Variants in B3GAT2 observed in about 807,000 individuals in gnomAD.
B3GAT2 encodes the protein galactosylgalactosylxylosylprotein 3-beta-glucuronosyltransferase 2.
A neutral mutation model predicts 27.8 loss-of-function variants in B3GAT2; 26 were observed. That is an observed-to-expected ratio of 0.93 (90% CI 0.68 to 1.30). The LOEUF (loss-of-function observed/expected upper bound fraction) is 1.30. Ranked by LOEUF, B3GAT2 falls within the 50% of genes most tolerant of loss-of-function variation. The pLI, the probability that B3GAT2 is intolerant of heterozygous loss-of-function variation, is 0.00. For synonymous variants in B3GAT2, 218 were observed against 195.1 expected, an observed-to-expected ratio of 1.12 and a Z score of -0.98; for missense variants, 458 against 459.0, an observed-to-expected ratio of 1.00 and a Z score of 0.02.
intron 1 of B3GAT2, among the ~76,000 whole-genome samples, chr6:70,952,654 G>A (rs941066485): frequency 2.0e-5 from 3 of 152,156 alleles, no homozygotes; most frequent in Non-Finnish European, 4.4e-5. Flanking sequence ...AATGCCACAG[G>A]AAGAAGAGGA....
At chr6:70,945,232 T>G (rs180839798) in intron 1 of B3GAT2, among the ~76,000 whole-genome samples, 4 of 152,164 alleles carry the variant, frequency 2.6e-5, no homozygotes, top group Non-Finnish European at 5.9e-5. Context: ...AGAATGACTT[T>G]GACGAGTTGA....
intron 1 of B3GAT2, among the ~76,000 whole-genome samples, chr6:70,935,708 A>G (rs1245920240): frequency 2.6e-5 from 4 of 152,156 alleles, no homozygotes; most frequent in Non-Finnish European, 4.4e-5. Context: ...ATGCTGAGAG[A>G]ATTTGTCACC....
intron 1 of B3GAT2, among the ~76,000 whole-genome samples, chr6:70,942,008 G>T (rs1009802156): frequency 1.3e-5 from 2 of 152,084 alleles, no homozygotes; most frequent in Non-Finnish European, 2.9e-5. Context: ...GGTACAACTA[G>T]ATGGACAAAT....
chr6:70,914,760 CT>C (rs60589382), intron 1 of B3GAT2, among the ~76,000 whole-genome samples: 4 of 151,208 alleles, frequency 2.6e-5, no homozygotes, highest in South Asian at 4.2e-4. Context: ...AATTGAATAA[CT>C]TTTTTTTTAA....
At chr6:70,870,540 A>G (rs1434277588) in intron 2 of B3GAT2, among the ~76,000 whole-genome samples, 1 of 151,202 alleles carries the variant, frequency 6.6e-6, no homozygotes, top group Non-Finnish European at 1.5e-5. Flanking sequence ...TTAAAGTATA[A>G]TAATAATAAA....
chr6:70,905,514 T>C (rs1772586379), intron 1 of B3GAT2, among the ~76,000 whole-genome samples: 3 of 152,250 alleles, frequency 2.0e-5, no homozygotes, highest in Non-Finnish European at 4.4e-5. Context: ...ATGTCTAATG[T>C]ACTCCGATAA....
chr6:70,936,931 C>CA (rs1424703867), intron 1 of B3GAT2, among the ~76,000 whole-genome samples: 2 of 151,590 alleles, frequency 1.3e-5, no homozygotes, highest in African/African-American at 2.4e-5. Flanking sequence ...AATAGAGACA[C>CA]AAAAAACCCT....
At chr6:70,921,724 C>T (rs1288507579) in intron 1 of B3GAT2, among the ~76,000 whole-genome samples, 6 of 152,198 alleles carry the variant, frequency 3.9e-5, no homozygotes, top group Non-Finnish European at 2.9e-5. Context: ...TGTGGGCTGA[C>T]ATTCCTTTAA....
At chr6:70,939,912 A>T (rs1193043131) in intron 1 of B3GAT2, among the ~76,000 whole-genome samples, 1 of 152,078 alleles carries the variant, frequency 6.6e-6, no homozygotes, top group African/African-American at 2.4e-5. Context: ...AAATAATAAA[A>T]AAAATAAAAT....
In B3GAT2 at chr6:70,860,826, C is replaced by A; in HGVS notation, c.*837G>T. 1 of 396,784 alleles carries A rather than the reference C, an allele frequency of 2.5e-6. No homozygotes were observed. The highest frequency in any genetic ancestry group is 1.3e-4 in the South Asian group (1 of 7,536). 24.6% of individuals were successfully genotyped at this position (396,784 alleles called of 1,614,324 possible). A position where few individuals can be genotyped will look rare whatever the true frequency, so the allele number is the denominator to read the frequency against. ...ATCAAAATGCTCTTATTTCATCATT[C>A]ACTTCACTGTGCTGTTGTTATGATG... On this transcript the variant is annotated 3_prime_UTR_variant, in exon 4 of 4. Transcript: ENST00000230053.
At position 70,860,693 on chromosome 6, in the gene B3GAT2, AC is replaced by A. The variant is rs1450609291; in HGVS notation, c.*969del. The A allele has an allele frequency of 1.7e-5, 7 of 403,248 alleles. No homozygotes were observed. Among genetic ancestry groups the A allele is most frequent in the Non-Finnish European group, 2.6e-5 (6 of 228,506 alleles). 25.0% of individuals were successfully genotyped at this position (403,248 alleles called of 1,614,324 possible). A position where few individuals can be genotyped will look rare whatever the true frequency, so the allele number is the denominator to read the frequency against. ...GTTAGTAATACCTCTAATAGTATAA[AC>A]CCCACCCCAAAATTAGCCAGTAATC... is the stretch of plus-strand genomic sequence containing the variant. On this transcript the variant is annotated 3_prime_UTR_variant, in exon 4 of 4. Coordinates refer to ENST00000230053, the MANE Select transcript of B3GAT2 (RefSeq NM_080742.3).
At chr6:70,896,114 A>C (rs1405261463) in intron 1 of B3GAT2, among the ~76,000 whole-genome samples, 1 of 152,136 alleles carries the variant, frequency 6.6e-6, no homozygotes, top group South Asian at 2.1e-4. Flanking sequence ...CTTGAGTCTT[A>C]AGTGGGTTTC....
At position 70,875,880 on chromosome 6, in the gene B3GAT2, G is replaced by GA. The variant is rs1772007134; in HGVS notation, c.737-13903dup. Among the ~76,000 whole-genome samples the GA allele has an allele frequency of 2.6e-5, 4 of 152,200 alleles. No individual in the cohort carries two copies. The South Asian group carries it at 6.2e-4, about 24-fold the overall frequency. ...AACAATTCATTTAAATCTCTACTCTGAAAAAACCATCATAGAAAACTGAAT... is the reference window on the plus strand; with the variant it reads ...AACAATTCATTTAAATCTCTACTCTGAAAAAAACCATCATAGAAAACTGAAT... On this transcript the variant is annotated intron_variant, in intron 2 of 3. Coordinates refer to ENST00000230053, the MANE Select transcript of B3GAT2 (RefSeq NM_080742.3).
intron 2 of B3GAT2, among the ~76,000 whole-genome samples, chr6:70,874,279 G>A (rs1378501826): frequency 1.3e-5 from 2 of 152,170 alleles, no homozygotes; most frequent in South Asian, 2.1e-4. Context: ...GTTCTTTGCT[G>A]AGTGTGGGCA....
chr6:70,931,137 G>A (rs1001636688), intron 1 of B3GAT2, among the ~76,000 whole-genome samples: 1 of 151,928 alleles, frequency 6.6e-6, no homozygotes, highest in African/African-American at 2.4e-5. Flanking sequence ...TGAACAATGA[G>A]AACACTTGGA....
At chr6:70,875,937 G>A (rs1215588695) in intron 2 of B3GAT2, among the ~76,000 whole-genome samples, 1 of 152,202 alleles carries the variant, frequency 6.6e-6, no homozygotes, top group Non-Finnish European at 1.5e-5. Flanking sequence ...TGCTGAGCAA[G>A]GATGGAAAAT....
intron 1 of B3GAT2, among the ~76,000 whole-genome samples, chr6:70,914,126 A>G (rs953192468): frequency 6.6e-6 from 1 of 151,734 alleles, no homozygotes; most frequent in Non-Finnish European, 1.5e-5. Flanking sequence ...ATTGTGACTT[A>G]TTTCTTCTTC....
intron 1 of B3GAT2, among the ~76,000 whole-genome samples, chr6:70,918,169 G>A (rs540415494): frequency 1.3e-5 from 2 of 152,078 alleles, no homozygotes; most frequent in Admixed American, 6.5e-5. Context: ...GGCCTTCTTT[G>A]TCTCTTTTGA....
intron 1 of B3GAT2, among the ~76,000 whole-genome samples, chr6:70,903,467 CA>C (rs1738497948): frequency 6.6e-6 from 1 of 151,904 alleles, no homozygotes; most frequent in South Asian, 2.1e-4. Context: ...ATACATCTGA[CA>C]AAACACTAGT....
Sources: gnomAD v4.1 joint callset for allele counts (sites outside exome capture counted in the v4.1 genomes callset) on GRCh38, gnomAD v4.1.1 for gene constraint, MANE v1.5 for transcripts, NCBI Gene and HGNC (gene_info 2026-07-23, HGNC 2026-07-21) for gene names.